CDC25A: variants seen among roughly 807,000 people sequenced by gnomAD.
CDC25A encodes the protein cell division cycle 25A.
CDC25A carries 17 observed loss-of-function variants against 64.6 expected under a neutral mutation model. That is an observed-to-expected ratio of 0.26 (90% confidence interval 0.18 to 0.39). The LOEUF is 0.39. CDC25A is among the 10% of genes least tolerant of loss of function. The pLI is 1.00. For missense variants in CDC25A, 473 were observed against 654.8 expected (o/e 0.72, Z 3.03); for synonymous variants, 229 against 238.6 (o/e 0.96, Z 0.37).
chr3:48,184,610 C>A, intron 3 of CDC25A, 43 bp downstream of exon 3: 2 of 1,392,510 alleles, frequency 1.4e-6, no homozygotes, highest in South Asian at 2.5e-5. Context: ...AGTTTAGACA[C>A]GTTTTTTCTA....
At chr3:48,180,641 G>T in intron 6 of CDC25A, 80 bp downstream of exon 6, 1 of 1,459,548 alleles carries the variant, frequency 6.9e-7, no homozygotes, top group Non-Finnish European at 9.5e-7. Flanking sequence ...CTACTGTAGT[G>T]CCTTCAATTC....
chr3:48,166,771 G>A (rs981775985), intron 10 of CDC25A, among the ~76,000 whole-genome samples: 6 of 152,162 alleles, frequency 3.9e-5, no homozygotes, highest in Non-Finnish European at 8.8e-5. Context: ...GAGTGTGGTG[G>A]TGCATGCCTG....
At chr3:48,167,793 T>C in intron 10 of CDC25A, 53 bp downstream of exon 10, 1 of 988,308 alleles carries the variant, frequency 1.0e-6, no homozygotes, top group Non-Finnish European at 1.6e-6. Flanking sequence ...AGTGGGATTC[T>C]AAATACCCAC....
rs565105638 is a variant in CDC25A at position 48,157,616 on chromosome 3, G to C, written c.*1329C>G. On this transcript the variant is annotated 3_prime_UTR_variant, in exon 15 of 15. Transcript: ENST00000302506. The stretch of plus-strand genomic sequence containing the variant: ...TCTAGAATCAATGAAGTCTGCCCCA[G>C]CTCCTTGGATGAGGTGTTCTTTTGA... 2.0e-5 allele frequency: 3 copies of C among 152,778 alleles called. No homozygotes were observed. The highest frequency in any genetic ancestry group is 3.9e-4 in the East Asian group (2 of 5,188). The allele number at this position is 152,778 out of a possible 1,614,324, so 9.5% of individuals were successfully genotyped here.
chr3:48,181,488 T>A, intron 5 of CDC25A: 1 of 824,496 alleles, frequency 1.2e-6, no homozygotes, highest in Non-Finnish European at 2.1e-6. Context: ...CTGGCGTGGG[T>A]GGCTGAGTTC....
intron 6 of CDC25A, 43 bp from the exon 7 acceptor site, chr3:48,178,031 C>A: frequency 6.4e-7 from 1 of 1,561,684 alleles, no homozygotes; most frequent in South Asian, 1.2e-5. Context: ...AGCTCTGATC[C>A]ACTTTCATTT....
At chr3:48,172,643 G>T (rs775923826) in intron 9 of CDC25A, among the ~76,000 whole-genome samples, 54 of 152,160 alleles carry the variant, frequency 3.5e-4, no homozygotes, top group African/African-American at 1.3e-3. Flanking sequence ...CGGGAGGATT[G>T]CCCTGAGCCC....
At chr3:48,178,901 A>G (rs2032562812) in intron 6 of CDC25A, among the ~76,000 whole-genome samples, 1 of 152,226 alleles carries the variant, frequency 6.6e-6, no homozygotes, top group Non-Finnish European at 1.5e-5. Flanking sequence ...AGGCACTTTC[A>G]AATCCAGAAA....
chr3:48,184,559 C>T, intron 3 of CDC25A, 94 bp downstream of exon 3: 1 of 815,232 alleles, frequency 1.2e-6, no homozygotes, highest in Non-Finnish European at 2.0e-6. Context: ...TCCAGGGCTC[C>T]AGTCCAGTGT....
intron 9 of CDC25A, among the ~76,000 whole-genome samples, chr3:48,170,391 G>A (rs980208304): frequency 1.3e-5 from 2 of 152,158 alleles, no homozygotes; most frequent in African/African-American, 4.8e-5. Context: ...CCTTCTTTGG[G>A]TTTAATTTGC....
intron 6 of CDC25A, among the ~76,000 whole-genome samples, chr3:48,179,245 C>T (rs1024047067): frequency 6.6e-6 from 1 of 152,170 alleles, no homozygotes; most frequent in Non-Finnish European, 1.5e-5. Context: ...CACACTATAT[C>T]ACACCAACAT....
rs769627560 is a variant in CDC25A at position 48,174,465 on chromosome 3, G to GA, written c.757-9dup. On this transcript the variant is annotated splice_polypyrimidine_tract_variant and intron_variant, in intron 8 of 14. Transcript: ENST00000302506. ...CAGCTTGCATCGGTTGTCCTTACAG[G>GA]AAAAAAAACAGACAGACCCATCTTT... The GA allele has an allele frequency of 3.3e-5, 53 of 1,591,352 alleles. No individual in the cohort carries two copies. In the Admixed American group the frequency reaches 3.4e-4, roughly 10 times the overall value.
At chr3:48,180,501 C>G (rs1053014755) in intron 6 of CDC25A, 2 of 446,882 alleles carry the variant, frequency 4.5e-6, no homozygotes, top group Non-Finnish European at 7.9e-6. Flanking sequence ...ATTCCTTGCA[C>G]AACTCCAATA....
At chr3:48,179,464 G>T (rs2032583307) in intron 6 of CDC25A, among the ~76,000 whole-genome samples, 1 of 152,142 alleles carries the variant, frequency 6.6e-6, no homozygotes, top group Admixed American at 6.5e-5. Flanking sequence ...CGAATTCTTG[G>T]GCTCAAGCAA....
chr3:48,178,427 CA>C (rs1282136421), intron 6 of CDC25A, among the ~76,000 whole-genome samples: 2 of 151,962 alleles, frequency 1.3e-5, no homozygotes, highest in African/African-American at 2.4e-5. Context: ...CCAGTTCTGA[CA>C]GGGGGGAATA....
intron 4 of CDC25A, 34 bp downstream of exon 4, chr3:48,183,766 G>A (rs759151010): frequency 1.4e-6 from 2 of 1,388,260 alleles, no homozygotes; most frequent in South Asian, 2.3e-5. Context: ...CAGATAACAG[G>A]TATTAGCTCA....
chr3:48,159,304 G>C (rs774098146), intron 14 of CDC25A, 40 bp downstream of exon 14: 2 of 1,445,668 alleles, frequency 1.4e-6, no homozygotes, highest in Admixed American at 1.7e-5. Flanking sequence ...TACCACTGGG[G>C]GCAGGGGAGG....
chr3:48,165,552 T>A, intron 12 of CDC25A, 84 bp downstream of exon 12: 1 of 853,090 alleles, frequency 1.2e-6, no homozygotes, highest in Non-Finnish European at 2.0e-6. Context: ...ATGAGCTAAG[T>A]GGCCAGGTGT....
intron 2 of CDC25A, among the ~76,000 whole-genome samples, chr3:48,186,294 GC>G (rs1182824026): frequency 1.3e-5 from 2 of 152,128 alleles, no homozygotes; most frequent in African/African-American, 4.8e-5. Context: ...TTATCACCGG[GC>G]GCGGTGGCTC....
Sources: gnomAD v4.1 joint callset for allele counts (sites outside exome capture counted in the v4.1 genomes callset) on GRCh38, gnomAD v4.1.1 for gene constraint, MANE v1.5 for transcripts, NCBI Gene and HGNC (gene_info 2026-07-23, HGNC 2026-07-21) for gene names.